Variants in RBM20 observed in about 807,000 individuals in gnomAD.
RBM20 encodes RNA-binding protein 20.
RBM20 carries 51 observed loss-of-function variants against 110.1 expected under a neutral mutation model. The ratio of observed to expected loss-of-function variants is 0.46; its 90% CI spans 0.37 to 0.59. The LOEUF (loss-of-function observed/expected upper bound fraction) is 0.59, where lower values mean the gene tolerates loss of function less well. Ranked by LOEUF, RBM20 falls within the 20% of genes least tolerant of loss-of-function variation. RBM20 has a pLI of 0.00. For synonymous variants in RBM20, 589 were observed against 618.2 expected, an observed-to-expected ratio of 0.95 and a Z score of 0.70; for missense variants, 1,512 against 1,574.9, an observed-to-expected ratio of 0.96 and a Z score of 0.68.
chr10:110,707,458 C>T lies in RBM20; in HGVS notation c.191+62813C>T, dbSNP rs535870090. ...AAAAATGTTTTTTCTGGTTTTATTGCCTGCCATTCTGCTGATTTATTTCCT... is the reference window on the plus strand; with the variant it reads ...AAAAATGTTTTTTCTGGTTTTATTGTCTGCCATTCTGCTGATTTATTTCCT... On this transcript the variant is annotated intron_variant, in intron 1 of 13. Coordinates refer to ENST00000369519, the MANE Select transcript of RBM20 (RefSeq NM_001134363.3). 1.1e-3 allele frequency among the ~76,000 whole-genome samples: 161 copies of T among 152,242 alleles called. 1 individual carries two copies. The highest frequency in any genetic ancestry group is 3.6e-3 in the African/African-American group (150 of 41,558).
intron 7 of RBM20, among the ~76,000 whole-genome samples, chr10:110,807,365 G>C (rs1844707490): frequency 6.6e-6 from 1 of 152,202 alleles, no homozygotes; most frequent in Non-Finnish European, 1.5e-5. Context: ...GCCAAGGAGA[G>C]GCTCTTCTAA....
chr10:110,750,427 C>T (rs991264849), intron 1 of RBM20, among the ~76,000 whole-genome samples: 2 of 152,106 alleles, frequency 1.3e-5, no homozygotes, highest in African/African-American at 4.8e-5. Flanking sequence ...AGGTCCTCCT[C>T]CCTTGCCAGC....
At chr10:110,696,912 A>G (rs1454001735) in intron 1 of RBM20, among the ~76,000 whole-genome samples, 3 of 152,174 alleles carry the variant, frequency 2.0e-5, no homozygotes, top group African/African-American at 7.2e-5. Flanking sequence ...CACACAGACC[A>G]AAAGACTGGA....
rs529802176 is a variant in RBM20, at chr10:110,694,721, A to T, written c.191+50076A>T. ...TCCAAACCACAGCCCTCTTGCTAAC[A>T]GCAAACTGGATTATACCATAAGAAG... is the stretch of plus-strand genomic sequence containing the variant. On this transcript the variant is annotated intron_variant, in intron 1 of 13. Transcript: ENST00000369519. Among the ~76,000 whole-genome samples the T allele has an allele frequency of 2.0e-5, 3 of 152,314 alleles. No homozygotes were observed. In the South Asian group the frequency reaches 6.2e-4, roughly 32 times the overall value.
intron 12 of RBM20, among the ~76,000 whole-genome samples, chr10:110,824,775 G>A (rs1166167918): frequency 6.6e-6 from 1 of 152,080 alleles, no homozygotes; most frequent in Non-Finnish European, 1.5e-5. Flanking sequence ...CTGAAAGGTC[G>A]GAATTAGATA....
intron 7 of RBM20, among the ~76,000 whole-genome samples, chr10:110,803,089 A>G (rs1454449564): frequency 6.6e-6 from 1 of 152,132 alleles, no homozygotes. Flanking sequence ...ACAATAATGT[A>G]TACCTTTAAT....
At chr10:110,690,557 C>T (rs1222971253) in intron 1 of RBM20, among the ~76,000 whole-genome samples, 1 of 152,206 alleles carries the variant, frequency 6.6e-6, no homozygotes, top group African/African-American at 2.4e-5. Context: ...TCCCTCTTCC[C>T]CCAGCTCCTG....
intron 1 of RBM20, among the ~76,000 whole-genome samples, chr10:110,698,276 C>G (rs1225926534): frequency 6.6e-6 from 1 of 152,168 alleles, no homozygotes; most frequent in Non-Finnish European, 1.5e-5. Context: ...CAGCATTGCT[C>G]CAGCATGCCC....
chr10:110,704,132 A>G (rs1473244980), intron 1 of RBM20, among the ~76,000 whole-genome samples: 1 of 152,204 alleles, frequency 6.6e-6, no homozygotes, highest in Non-Finnish European at 1.5e-5. Context: ...ATAAAATAAA[A>G]GCAATAATAC....
chr10:110,803,812 CAAAAAAAAAAAAAAA>C (rs58202648), intron 7 of RBM20, among the ~76,000 whole-genome samples: 7 of 57,166 alleles, frequency 1.2e-4, no homozygotes, highest in Admixed American at 6.0e-4. Flanking sequence ...TTGGCTTAAG[CAAAAAAAAAAAAAAA>C]AAAAAAAAAA....
chr10:110,703,003 G>A (rs12356321), intron 1 of RBM20, among the ~76,000 whole-genome samples: 5 of 124,052 alleles, frequency 4.0e-5, no homozygotes, highest in African/African-American at 1.5e-4. Context: ...TTTTTTTTTT[G>A]TTTTTTTTTT....
intron 1 of RBM20, among the ~76,000 whole-genome samples, chr10:110,767,116 A>ACC (rs1170862405): frequency 8.0e-5 from 5 of 62,346 alleles, no homozygotes; most frequent in Non-Finnish European, 1.3e-4. Flanking sequence ...GGGGCGGCTG[A>ACC]CCCCCCCCAC....
At chr10:110,662,023 A>AAAAG (rs1205922456) in intron 1 of RBM20, among the ~76,000 whole-genome samples, 2 of 151,752 alleles carry the variant, frequency 1.3e-5, no homozygotes, top group Non-Finnish European at 2.9e-5. Flanking sequence ...AAAAAAAAAA[A>AAAAG]AGATAGTAGC....
intron 1 of RBM20, among the ~76,000 whole-genome samples, chr10:110,699,257 A>G (rs1590624257): frequency 7.8e-6 from 1 of 127,418 alleles, no homozygotes; most frequent in African/African-American, 3.0e-5. Flanking sequence ...AAAAAAGTGC[A>G]TTCTTTTTTT....
In RBM20 at chr10:110,823,461, C is replaced by CT; in HGVS notation, c.3317-17dup. The CT allele has an allele frequency of 1.1e-6, 1 of 901,942 alleles. No individual in the cohort carries two copies. The allele number at this position is 901,942 out of a possible 1,614,324, so 55.9% of individuals were successfully genotyped here. A position where few individuals can be genotyped will look rare whatever the true frequency, so the allele number is the denominator to read the frequency against. ...TTTTTTTTTTTTTTTTTTTTTTTGCCTTGGTTCATGTTTTGCAGAAAACTC... is the reference window on the plus strand; with the variant it reads ...TTTTTTTTTTTTTTTTTTTTTTTGCCTTTGGTTCATGTTTTGCAGAAAACTC... On this transcript the variant is annotated intron_variant, in intron 11 of 13. Transcript: ENST00000369519.
At chr10:110,726,883 A>G (rs540379970) in intron 1 of RBM20, among the ~76,000 whole-genome samples, 1 of 152,284 alleles carries the variant, frequency 6.6e-6, no homozygotes, top group South Asian at 2.1e-4. Flanking sequence ...TTTTGCTCTT[A>G]TCGCCCAGGC....
rs755577471 is a variant in RBM20 at position 110,712,554 on chromosome 10, G to A, written c.191+67909G>A. Among the ~76,000 whole-genome samples the A allele has an allele frequency of 4.6e-4, 70 of 152,192 alleles. 1 individual carries two copies. The highest frequency in any genetic ancestry group is 1.3e-4 in the Non-Finnish European group (9 of 68,042). On this transcript the variant is annotated intron_variant, in intron 1 of 13. Transcript: ENST00000369519. ...GGCCAAGGCGGGTGGATCACTTGAG[G>A]TCAGGAGTTTGAGACCAGCCTGGCC...
At chr10:110,782,301 AG>A (rs1441275685) in intron 2 of RBM20, among the ~76,000 whole-genome samples, 1 of 152,186 alleles carries the variant, frequency 6.6e-6, no homozygotes. Context: ...ATTTTGGATC[AG>A]GGGAAACAGA....
Position 110,797,121 on chromosome 10 carries a change from G to A in RBM20, c.1528-387G>A, listed in dbSNP as rs190491223. Among the ~76,000 whole-genome samples the A allele has an allele frequency of 1.6e-4, 25 of 152,138 alleles. No individual in the cohort carries two copies. The South Asian group carries it at 2.7e-3, about 16-fold the overall frequency. On this transcript the variant is annotated intron_variant, in intron 5 of 13. Coordinates refer to ENST00000369519, the MANE Select transcript of RBM20 (RefSeq NM_001134363.3). ...TTTCCTCATATCCTCCACAGCCCTC[G>A]TTGTTACTGCTTATAAAAAACATTA...
Sources: gnomAD v4.1 joint callset for allele counts (sites outside exome capture counted in the v4.1 genomes callset) on GRCh38, gnomAD v4.1.1 for gene constraint, MANE v1.5 for transcripts, NCBI Gene and HGNC (gene_info 2026-07-23, HGNC 2026-07-21) for gene names.